Variants in LACTBL1 observed in about 807,000 individuals in gnomAD.
The protein encoded by LACTBL1 is lactamase beta like 1.
In LACTBL1, 29 loss-of-function variants were observed where a neutral mutation model predicts 39.6. The ratio of observed to expected loss-of-function variants is 0.73; its 90% CI spans 0.55 to 1.00. The LOEUF (loss-of-function observed/expected upper bound fraction) is 1.00. LACTBL1 is among the 50% of genes least tolerant of loss of function. LACTBL1 has a pLI of 0.00. For synonymous variants in LACTBL1, 361 were observed against 360.7 expected (o/e 1.00, Z -0.01); for missense variants, 711 against 748.5 (o/e 0.95, Z 0.59).
At chr1:22,967,559 C>CAT (rs1449861121), upstream of LACTBL1, among the ~76,000 whole-genome samples, 23 of 140,488 alleles carry the variant, frequency 1.6e-4, no homozygotes, top group Non-Finnish European at 2.6e-4. Flanking sequence ...TCTCTCTCTC[C>CAT]ATATATATAC....
upstream of LACTBL1, among the ~76,000 whole-genome samples, chr1:22,970,244 C>T (rs148219134): frequency 3.5e-3 from 528 of 152,274 alleles, 4 homozygotes; most frequent in African/African-American, 0.012. Context: ...AACTATAGTA[C>T]GTCTGTACAA....
exon 6 of LACTBL1, chr1:22,953,346 C>T: frequency 4.1e-6 from 5 of 1,229,126 alleles, no homozygotes; most frequent in Non-Finnish European, 5.1e-6. Flanking sequence ...CGCCCGCCGG[C>T]CCGGCGCGCA....
intron 4 of LACTBL1, among the ~76,000 whole-genome samples, chr1:22,955,866 A>G (rs1188143009): frequency 1.3e-5 from 2 of 151,192 alleles, no homozygotes; most frequent in African/African-American, 4.9e-5. Context: ...GTTCAAGACC[A>G]CGCTGGCCAA....
At chr1:22,962,188 T>G (rs1466377776) in intron 2 of LACTBL1, among the ~76,000 whole-genome samples, 3 of 152,052 alleles carry the variant, frequency 2.0e-5, no homozygotes. Flanking sequence ...TTTATGAAAA[T>G]TTGCTATAAC....
chr1:22,953,537 G>T (rs1353871890), exon 6 of LACTBL1: 7 of 1,246,800 alleles, frequency 5.6e-6, no homozygotes, highest in Non-Finnish European at 6.0e-6. Flanking sequence ...AGCAGCACCA[G>T]GCCCAGACGC....
chr1:22,966,857 C>G (rs1640885185), upstream of LACTBL1, among the ~76,000 whole-genome samples: 1 of 152,104 alleles, frequency 6.6e-6, no homozygotes, highest in Non-Finnish European at 1.5e-5. Context: ...TCTGCCTGGG[C>G]CCCTCTATCT....
chr1:22,966,276 T>C (rs1266170034), upstream of LACTBL1, among the ~76,000 whole-genome samples: 1 of 152,252 alleles, frequency 6.6e-6, no homozygotes, highest in Non-Finnish European at 1.5e-5. Context: ...GATATACTGA[T>C]GAACAGAAAG....
intron 2 of LACTBL1, among the ~76,000 whole-genome samples, chr1:22,962,350 G>A (rs1640830987): frequency 6.6e-6 from 1 of 152,016 alleles, no homozygotes; most frequent in Admixed American, 6.6e-5. Flanking sequence ...TCGGATGATA[G>A]TTTTGAGTCT....
chr1:22,956,024 A>G lies in LACTBL1; in HGVS notation c.554-598T>C, dbSNP rs903934494. ...GGTTGCAGTGAGCTGAGATCGCACC[A>G]CTGCACTCCAGCCTGGGTGACAGAG... On this transcript the variant is annotated intron_variant, in intron 4 of 5. Transcript: ENST00000426928. 2.1e-5 allele frequency among the ~76,000 whole-genome samples: 3 copies of G among 143,060 alleles called. No individual in the cohort carries two copies. The Admixed American group carries it at 2.3e-4, about 11-fold the overall frequency. 93.9% of individuals were successfully genotyped at this position (143,060 alleles called of 152,430 possible).
exon 6 of LACTBL1, chr1:22,953,768 C>T: frequency 1.4e-6 from 2 of 1,477,850 alleles, no homozygotes; most frequent in South Asian, 1.3e-5. Flanking sequence ...GCCAGCTTGG[C>T]CAGGTCGGCG....
Position 22,961,728 on chromosome 1 carries a change from G to A in LACTBL1, c.159+1379C>T, listed in dbSNP as rs556727291. 3.3e-5 allele frequency among the ~76,000 whole-genome samples: 5 copies of A among 151,628 alleles called. No homozygotes were observed. The South Asian group carries it at 8.4e-4, about 25-fold the overall frequency. On this transcript the variant is annotated intron_variant, in intron 2 of 5. Transcript: ENST00000426928. ...ATTTTACATATCCTTGGCTGAGCTC[G>A]GTCCACCTCCACTTCCCATCCCTGC...
intron 2 of LACTBL1, among the ~76,000 whole-genome samples, chr1:22,961,216 T>C (rs1327515452): frequency 2.0e-5 from 3 of 152,232 alleles, no homozygotes; most frequent in Non-Finnish European, 2.9e-5. Context: ...CCTTTCATCC[T>C]CGTGAGTCAG....
intron 4 of LACTBL1, 140 bp downstream of exon 6, chr1:22,958,545 C>T: frequency 1.5e-6 from 1 of 673,366 alleles, no homozygotes; most frequent in South Asian, 2.0e-5. Context: ...TGGCCCACCA[C>T]CCACATCCCA....
chr1:22,961,727 C>T (rs1187567646), intron 2 of LACTBL1, among the ~76,000 whole-genome samples: 2 of 151,872 alleles, frequency 1.3e-5, no homozygotes, highest in East Asian at 1.9e-4. Context: ...TGGCTGAGCT[C>T]GGTCCACCTC....
At chr1:22,966,349 A>G (rs1348274550), upstream of LACTBL1, among the ~76,000 whole-genome samples, 1 of 152,180 alleles carries the variant, frequency 6.6e-6, no homozygotes, top group Non-Finnish European at 1.5e-5. Flanking sequence ...AACCAAATAC[A>G]TTGCATTAAC....
At chr1:22,953,252 C>T (rs1306195418) in exon 6 of LACTBL1, 1 of 1,231,782 alleles carries the variant, frequency 8.1e-7, no homozygotes, top group East Asian at 3.2e-5. Flanking sequence ...AAGACGCGGC[C>T]GTGCAGGTGG....
chr1:22,965,030 C>T (rs1305236381), intron 1 of LACTBL1, among the ~76,000 whole-genome samples: 1 of 152,156 alleles, frequency 6.6e-6, no homozygotes, highest in African/African-American at 2.4e-5. Flanking sequence ...TTGAATTTTA[C>T]CCCCAAACTG....
At chr1:22,967,149 A>G (rs551428329), upstream of LACTBL1, among the ~76,000 whole-genome samples, 18 of 152,290 alleles carry the variant, frequency 1.2e-4, no homozygotes, top group Non-Finnish European at 1.9e-4. Context: ...CGGGTGGATC[A>G]CTTGAGCCCA....
chr1:22,953,234 G>C (rs932233244), exon 6 of LACTBL1: 9 of 1,231,910 alleles, frequency 7.3e-6, no homozygotes, highest in Non-Finnish European at 9.1e-6. Context: ...TGGGCCACGT[G>C]CAGCTGGAAG....
Sources: allele counts gnomAD v4.1 joint callset (sites outside exome capture counted in the v4.1 genomes callset), GRCh38; gene constraint gnomAD v4.1.1; transcripts MANE v1.5; gene names NCBI Gene and HGNC (gene_info 2026-07-23, HGNC 2026-07-21).